TMEM132D: variants seen among roughly 807,000 people sequenced by gnomAD.
TMEM132D encodes transmembrane protein 132D.
In TMEM132D, 21 loss-of-function variants were observed where a neutral mutation model predicts 62.3. That is an observed-to-expected ratio of 0.34 (90% confidence interval 0.24 to 0.49). The LOEUF (loss-of-function observed/expected upper bound fraction) is 0.49. Among genes scored for constraint, TMEM132D ranks in the 20% least tolerant of loss-of-function variants. TMEM132D has a pLI of 0.99. For missense variants in TMEM132D, 1,346 were observed against 1,402.8 expected, an observed-to-expected ratio of 0.96 and a Z score of 0.65; for synonymous variants, 621 against 575.6, an observed-to-expected ratio of 1.08 and a Z score of -1.13.
intron 3 of TMEM132D, among the ~76,000 whole-genome samples, chr12:129,431,782 G>A (rs1872661432): frequency 6.6e-6 from 1 of 152,140 alleles, no homozygotes; most frequent in Non-Finnish European, 1.5e-5. Flanking sequence ...GTCCCTATAA[G>A]GTCTAGTCTT....
intron 1 of TMEM132D, among the ~76,000 whole-genome samples, chr12:129,815,440 G>A (rs75530237): frequency 0.039 from 5,947 of 152,304 alleles, 148 homozygotes; most frequent in Non-Finnish European, 0.059. Flanking sequence ...AATTGCACGT[G>A]TGCAGAAATC....
At chr12:129,364,486 A>T (rs1227939136) in intron 3 of TMEM132D, among the ~76,000 whole-genome samples, 1 of 152,254 alleles carries the variant, frequency 6.6e-6, no homozygotes, top group Non-Finnish European at 1.5e-5. Flanking sequence ...CAAAGCTTGT[A>T]GAGGGATTTG....
At chr12:129,249,540 A>G (rs1481278280) in intron 4 of TMEM132D, among the ~76,000 whole-genome samples, 1 of 152,172 alleles carries the variant, frequency 6.6e-6, no homozygotes, top group Non-Finnish European at 1.5e-5. Context: ...TAAGGTTGAC[A>G]TTCATTCATT....
chr12:129,719,159 C>T (rs1385015614), intron 1 of TMEM132D, among the ~76,000 whole-genome samples: 1 of 150,936 alleles, frequency 6.6e-6, no homozygotes. Flanking sequence ...ACTTGGGGGG[C>T]TGAGTGGGAG....
intron 1 of TMEM132D, among the ~76,000 whole-genome samples, chr12:129,826,349 G>C (rs559873471): frequency 2.8e-4 from 42 of 152,278 alleles, no homozygotes; most frequent in African/African-American, 9.1e-4. Flanking sequence ...AGGTGTCGTA[G>C]GGTTTTGTTT....
intron 1 of TMEM132D, among the ~76,000 whole-genome samples, chr12:129,707,320 AGATT>A (rs1881530677): frequency 7.1e-6 from 1 of 140,928 alleles, no homozygotes; most frequent in African/African-American, 3.0e-5. Flanking sequence ...TTATAGTAAT[AGATT>A]GTTAAAAATG....
intron 5 of TMEM132D, among the ~76,000 whole-genome samples, chr12:129,193,791 T>C (rs367895720): frequency 5.9e-5 from 9 of 152,300 alleles, no homozygotes; most frequent in East Asian, 5.8e-4. Flanking sequence ...GAGTAAGACA[T>C]GTTCCCCAGT....
At chr12:129,173,344 A>G (rs920224849) in intron 5 of TMEM132D, among the ~76,000 whole-genome samples, 3 of 151,428 alleles carry the variant, frequency 2.0e-5, no homozygotes, top group African/African-American at 7.4e-5. Flanking sequence ...GATGAAAGAT[A>G]TGATACGTTG....
rs76099426 is a variant in TMEM132D, at chr12:129,442,373, G to A, written c.1115+88686C>T. Among the ~76,000 whole-genome samples the A allele has an allele frequency of 3.7e-3, 565 of 152,246 alleles. 4 individuals carry two copies. The highest frequency in any genetic ancestry group is 0.013 in the African/African-American group (539 of 41,550). On this transcript the variant is annotated intron_variant, in intron 3 of 8. Transcript: ENST00000422113. ...TTGCTCTTGGGAGAAGGCTCCATGC[G>A]TATGTGTTAATGGAGAAACGATCCT... is the stretch of plus-strand genomic sequence containing the variant.
rs551576453 is a variant in TMEM132D at position 129,711,160 on chromosome 12, A to G, written c.80-10462T>C. ...AACGCTTCATTGGCCCCCTAAATAC[A>G]CTTGCATTGGTCCCCCTAAAACCTC... is the stretch of plus-strand genomic sequence containing the variant. On this transcript the variant is annotated intron_variant, in intron 1 of 8. Coordinates refer to ENST00000422113, the MANE Select transcript of TMEM132D (RefSeq NM_133448.3). Among the ~76,000 whole-genome samples, 293 of 152,186 alleles carry G rather than the reference A, an allele frequency of 1.9e-3. 1 individual carries two copies. Among genetic ancestry groups the G allele is most frequent in the African/African-American group, 6.8e-3 (282 of 41,512 alleles).
At chr12:129,829,685 T>C (rs1293373721) in intron 1 of TMEM132D, among the ~76,000 whole-genome samples, 1 of 152,150 alleles carries the variant, frequency 6.6e-6, no homozygotes, top group East Asian at 1.9e-4. Flanking sequence ...CGAACTGAGA[T>C]GAGGCTGGAA....
intron 3 of TMEM132D, among the ~76,000 whole-genome samples, chr12:129,416,802 A>G (rs1463591728): frequency 1.3e-5 from 2 of 152,186 alleles, no homozygotes; most frequent in Admixed American, 6.5e-5. Context: ...TGAGATAAAC[A>G]TGTGGTTTTT....
intron 4 of TMEM132D, among the ~76,000 whole-genome samples, chr12:129,253,991 T>C (rs1880337622): frequency 1.3e-5 from 2 of 152,220 alleles, no homozygotes. Flanking sequence ...GATTCAGCAG[T>C]GACCAGGCAT....
chr12:129,641,181 G>T (rs1243285867), intron 2 of TMEM132D, among the ~76,000 whole-genome samples: 1 of 152,100 alleles, frequency 6.6e-6, no homozygotes. Flanking sequence ...CCATAAAACT[G>T]GTTCCTGGTG....
intron 4 of TMEM132D, among the ~76,000 whole-genome samples, chr12:129,244,992 G>A (rs1311582014): frequency 3.3e-5 from 5 of 152,098 alleles, no homozygotes; most frequent in East Asian, 1.9e-4. Flanking sequence ...CAGGAGCTTA[G>A]TTTACTTCAA....
chr12:129,810,172 C>G (rs960931918), intron 1 of TMEM132D, among the ~76,000 whole-genome samples: 2 of 152,116 alleles, frequency 1.3e-5, no homozygotes, highest in African/African-American at 4.8e-5. Flanking sequence ...CAGAATATCT[C>G]TAACGCCAGC....
intron 3 of TMEM132D, among the ~76,000 whole-genome samples, chr12:129,517,335 G>A (rs909132390): frequency 6.6e-6 from 1 of 152,148 alleles, no homozygotes; most frequent in Admixed American, 6.5e-5. Context: ...TCCCTTTGAA[G>A]AAGCTGGTAC....
At chr12:129,258,659 C>A (rs1265393356) in intron 4 of TMEM132D, among the ~76,000 whole-genome samples, 1 of 152,188 alleles carries the variant, frequency 6.6e-6, no homozygotes, top group Non-Finnish European at 1.5e-5. Flanking sequence ...GTGTGGCTGG[C>A]TTTGCATGCA....
intron 1 of TMEM132D, among the ~76,000 whole-genome samples, chr12:129,720,847 C>A (rs1214265585): frequency 6.6e-6 from 1 of 152,232 alleles, no homozygotes; most frequent in African/African-American, 2.4e-5. Context: ...ATAATCAACT[C>A]ATCTAACAGA....
Sources: gnomAD v4.1 joint callset for allele counts (sites outside exome capture counted in the v4.1 genomes callset) on GRCh38, gnomAD v4.1.1 for gene constraint, MANE v1.5 for transcripts, NCBI Gene and HGNC (gene_info 2026-07-23, HGNC 2026-07-21) for gene names.